The following MYO16 variants were observed in gnomAD, a reference collection of about 807,000 sequenced individuals.
MYO16 encodes the protein unconventional myosin-XVI.
MYO16 carries 94 observed loss-of-function variants against 205.3 expected under a neutral mutation model. The observed-to-expected ratio is 0.46, with a 90% CI of 0.39 to 0.54. The LOEUF (loss-of-function observed/expected upper bound fraction) is 0.54, where lower values mean the gene tolerates loss of function less well. MYO16 is among the 20% of genes least tolerant of loss of function. The pLI is 0.00. For synonymous variants in MYO16, 988 were observed against 954.0 expected, an observed-to-expected ratio of 1.04 and a Z score of -0.66; for missense variants, 2,315 against 2,387.5, an observed-to-expected ratio of 0.97 and a Z score of 0.63.
At chr13:108,785,390 G>A (rs1886426309) in intron 4 of MYO16, among the ~76,000 whole-genome samples, 1 of 152,200 alleles carries the variant, frequency 6.6e-6, no homozygotes. Context: ...AAGGGGTGAG[G>A]AGAGGCAGCT....
At chr13:108,747,322 G>T (rs1447618293) in intron 4 of MYO16, among the ~76,000 whole-genome samples, 2 of 152,030 alleles carry the variant, frequency 1.3e-5, no homozygotes, top group African/African-American at 2.4e-5. Context: ...TTAAAGTAAT[G>T]ATAACAATAT....
chr13:108,841,353 C>G lies in MYO16; in HGVS notation c.1098-2990C>G, dbSNP rs765164605. ...AAAAAACAATGCTGAAACATTTGGA[C>G]ATCCATATGAGAAAATAATGTACTT... On this transcript the variant is annotated intron_variant, in intron 9 of 34. Transcript: ENST00000457511. Among the ~76,000 whole-genome samples the G allele has an allele frequency of 2.0e-5, 3 of 152,170 alleles. No homozygotes were observed. In the South Asian group the frequency reaches 6.2e-4, roughly 31 times the overall value.
intron 23 of MYO16, among the ~76,000 whole-genome samples, chr13:109,044,215 A>C (rs1886969170): frequency 6.6e-6 from 1 of 152,114 alleles, no homozygotes; most frequent in African/African-American, 2.4e-5. Flanking sequence ...TTTTCTTGAG[A>C]CCTGAAAGAA....
rs553983668 is a variant in MYO16 at position 108,978,529 on chromosome 13, A to T, written c.2369+13627A>T. On this transcript the variant is annotated intron_variant, in intron 20 of 34. Transcript: ENST00000457511. ...TTTGCTCTTGTGAGACATTGCATTGATGTTTATTTTTTGATGTTGAATCAT... is the reference window on the plus strand; with the variant it reads ...TTTGCTCTTGTGAGACATTGCATTGTTGTTTATTTTTTGATGTTGAATCAT... Among the ~76,000 whole-genome samples the T allele has an allele frequency of 5.9e-5, 9 of 151,832 alleles. No individual in the cohort carries two copies. The South Asian group carries it at 1.9e-3, about 32-fold the overall frequency.
the MYO16 span, among the ~76,000 whole-genome samples, chr13:108,500,913 T>C: frequency 6.6e-6 from 1 of 152,182 alleles, no homozygotes; most frequent in Admixed American, 6.5e-5. Flanking sequence ...CAGCCTCCTC[T>C]GACACCTCTC....
intron 16 of MYO16, among the ~76,000 whole-genome samples, chr13:108,952,243 C>A (rs751823064): frequency 9.9e-5 from 15 of 151,968 alleles, no homozygotes; most frequent in Non-Finnish European, 1.6e-4. Context: ...TATCCTTTTT[C>A]TGTAAATGAA....
chr13:109,053,325 G>A (rs1475009853), intron 25 of MYO16, among the ~76,000 whole-genome samples: 7 of 123,056 alleles, frequency 5.7e-5, no homozygotes, highest in Non-Finnish European at 9.8e-5. Flanking sequence ...GTGAGTGAGT[G>A]TGAGTGTGTG....
At chr13:108,823,410 A>C in intron 9 of MYO16, 132 bp downstream of exon 9, 1 of 738,208 alleles carries the variant, frequency 1.4e-6, no homozygotes, top group Non-Finnish European at 2.0e-6. Flanking sequence ...TATACCAAAG[A>C]ATACTTGTTT....
chr13:108,758,771 C>T (rs915778801), intron 4 of MYO16, among the ~76,000 whole-genome samples: 3 of 152,118 alleles, frequency 2.0e-5, no homozygotes, highest in Non-Finnish European at 4.4e-5. Flanking sequence ...CTTAAAGAAT[C>T]ATGTCATCTT....
At chr13:108,702,024 A>G (rs1345406694) in intron 2 of MYO16, among the ~76,000 whole-genome samples, 1 of 152,146 alleles carries the variant, frequency 6.6e-6, no homozygotes, top group Non-Finnish European at 1.5e-5. Flanking sequence ...AGAAGAAAAA[A>G]AAAATGAAGA....
intron 7 of MYO16, among the ~76,000 whole-genome samples, chr13:108,812,462 G>A (rs1279984671): frequency 6.6e-6 from 1 of 152,132 alleles, no homozygotes; most frequent in Non-Finnish European, 1.5e-5. Context: ...TGAGCAGTAG[G>A]TGAGTGCGCA....
intron 20 of MYO16, among the ~76,000 whole-genome samples, chr13:108,971,904 T>C (rs1884026898): frequency 1.3e-5 from 2 of 151,588 alleles, no homozygotes; most frequent in South Asian, 4.2e-4. Context: ...GTGGCTGTAA[T>C]GATAATAGTG....
chr13:109,023,297 GATATAAATATATATATTTATATATTATA>G (rs1886171649), intron 23 of MYO16, among the ~76,000 whole-genome samples: 13 of 73,396 alleles, frequency 1.8e-4, no homozygotes, highest in Admixed American at 2.2e-4. Context: ...ATATTATACA[GATATAAATATATATATTTATATATTATA>G]CAGATATAAA....
the MYO16 span, among the ~76,000 whole-genome samples, chr13:108,578,710 T>C: frequency 6.6e-6 from 1 of 152,172 alleles, no homozygotes. Flanking sequence ...CTTCAGAATA[T>C]GGGTACTATT....
chr13:108,787,798 T>C (rs1183013338), intron 5 of MYO16, among the ~76,000 whole-genome samples: 2 of 152,236 alleles, frequency 1.3e-5, no homozygotes, highest in Non-Finnish European at 2.9e-5. Context: ...TAATTCTGTT[T>C]GCCATTTGTC....
At chr13:109,029,493 A>G (rs1003001398) in intron 23 of MYO16, among the ~76,000 whole-genome samples, 2 of 152,086 alleles carry the variant, frequency 1.3e-5, no homozygotes, top group Admixed American at 1.3e-4. Context: ...GACACATTGT[A>G]CCCAAGAAGA....
chr13:108,845,387 T>C (rs1157366097), intron 10 of MYO16, among the ~76,000 whole-genome samples: 3 of 152,114 alleles, frequency 2.0e-5, no homozygotes, highest in Admixed American at 2.0e-4. Flanking sequence ...TGGAGGCATC[T>C]GGATTCTGAG....
chr13:109,043,377 C>G (rs1886940327), intron 23 of MYO16, among the ~76,000 whole-genome samples: 2 of 151,984 alleles, frequency 1.3e-5, no homozygotes, highest in Non-Finnish European at 2.9e-5. Context: ...TAATGAAACT[C>G]TGATGGTCCA....
chr13:108,862,131 C>G (rs953601098), intron 11 of MYO16, among the ~76,000 whole-genome samples: 1 of 152,098 alleles, frequency 6.6e-6, no homozygotes, highest in African/African-American at 2.4e-5. Context: ...GTTGAAATCT[C>G]AAAAGATCGA....
Sources: gnomAD v4.1 joint callset for allele counts (sites outside exome capture counted in the v4.1 genomes callset) on GRCh38, gnomAD v4.1.1 for gene constraint, MANE v1.5 for transcripts, NCBI Gene and HGNC (gene_info 2026-07-23, HGNC 2026-07-21) for gene names.